Variants in INPP5A observed in about 807,000 individuals in gnomAD.
INPP5A encodes 43 kDa inositol polyphosphate 5-phophatase.
INPP5A carries 14 observed loss-of-function variants against 65.2 expected under a neutral mutation model. The observed-to-expected ratio is 0.21, with a 90% confidence interval of 0.14 to 0.34. The LOEUF (loss-of-function observed/expected upper bound fraction) is 0.34, where lower values mean the gene tolerates loss of function less well. INPP5A is among the 10% of genes least tolerant of loss of function. INPP5A has a pLI of 1.00. For synonymous variants in INPP5A, 207 were observed against 208.3 expected (o/e 0.99, Z 0.05); for missense variants, 431 against 545.6 (o/e 0.79, Z 2.09).
At chr10:132,566,050 T>C (rs1215621763) in intron 1 of INPP5A, among the ~76,000 whole-genome samples, 1 of 152,092 alleles carries the variant, frequency 6.6e-6, no homozygotes, top group Non-Finnish European at 1.5e-5. Flanking sequence ...TCTCTGGGTG[T>C]GACTCACACC....
intron 8 of INPP5A, among the ~76,000 whole-genome samples, chr10:132,725,509 C>A (rs1267384825): frequency 6.6e-6 from 1 of 152,214 alleles, no homozygotes; most frequent in Admixed American, 6.5e-5. Context: ...CTTGGGGATT[C>A]TTCTACTTCT....
rs2071018335 is a variant in INPP5A, at chr10:132,549,078, C to T, written c.75+10907C>T. Among the ~76,000 whole-genome samples the T allele has an allele frequency of 6.6e-6, 1 of 152,198 alleles. No homozygotes were observed. Among genetic ancestry groups the T allele is most frequent in the South Asian group, 2.1e-4 (1 of 4,830 alleles). ...AAGGTGCTGGGATGACAGGTGTGAGCCACTGCGCCTGGGCTTGTCTTCCCT... is the reference window on the plus strand; with the variant it reads ...AAGGTGCTGGGATGACAGGTGTGAGTCACTGCGCCTGGGCTTGTCTTCCCT... On this transcript the variant is annotated intron_variant, in intron 1 of 15. Coordinates refer to ENST00000368594, the MANE Select transcript of INPP5A (RefSeq NM_005539.5). This position sits in a 1 kb window ranked among gnomAD's most constrained non-coding sequence, Gnocchi z 4.9.
rs1375383690 is a variant in INPP5A at position 132,775,161 on chromosome 10, G to C, written c.978-2510G>C. Among the ~76,000 whole-genome samples, 34 of 28,570 alleles carry C rather than the reference G, an allele frequency of 1.2e-3. 1 individual carries two copies. Among genetic ancestry groups the C allele is most frequent in the African/African-American group, 1.4e-3 (8 of 5,866 alleles). The allele number at this position is 28,570 out of a possible 152,430, so 18.7% of individuals were successfully genotyped here. A position where few individuals can be genotyped will look rare whatever the true frequency, so the allele number is the denominator to read the frequency against. On this transcript the variant is annotated intron_variant, in intron 12 of 15. Coordinates refer to ENST00000368594, the MANE Select transcript of INPP5A (RefSeq NM_005539.5). ...AGGAGAGAGGGGCAGGGAGGAGAGA[G>C]GGGCAGAGAGGAGGGGCAGGGAGAG...
At chr10:132,730,941 C>T (rs1846073564) in intron 9 of INPP5A, among the ~76,000 whole-genome samples, 1 of 152,208 alleles carries the variant, frequency 6.6e-6, no homozygotes, top group South Asian at 2.1e-4. Flanking sequence ...TTCCATGGGA[C>T]AGTACAGACC....
intron 4 of INPP5A, among the ~76,000 whole-genome samples, chr10:132,684,546 G>A (rs2073091546): frequency 6.6e-6 from 1 of 152,210 alleles, no homozygotes; most frequent in African/African-American, 2.4e-5. Context: ...GGGGTTGTAA[G>A]TTCACAGGAT....
At chr10:132,720,659 C>A (rs566763656) in intron 8 of INPP5A, among the ~76,000 whole-genome samples, 63 of 134,392 alleles carry the variant, frequency 4.7e-4, no homozygotes, top group African/African-American at 1.7e-3. Flanking sequence ...CGGCTGTCTT[C>A]AGGGTTCTGT....
rs193240359 is a variant in INPP5A at position 132,685,719 on chromosome 10, C to T, written c.307-4673C>T. On this transcript the variant is annotated intron_variant, in intron 4 of 15. Transcript: ENST00000368594. ...CGGTGGCTCCGTCCGGGAGGTGGGA[C>T]CCTGCTCAACAAACACGGGCTTTGT... Among the ~76,000 whole-genome samples, 10 of 152,326 alleles carry T rather than the reference C, an allele frequency of 6.6e-5. No individual in the cohort carries two copies. The South Asian group carries it at 1.2e-3, about 19-fold the overall frequency.
chr10:132,539,315 A>G (rs568664808), intron 1 of INPP5A, among the ~76,000 whole-genome samples: 114 of 152,254 alleles, frequency 7.5e-4, no homozygotes, highest in African/African-American at 2.7e-3. Flanking sequence ...GTATCTCTTT[A>G]GTTCGTAAAT....
intron 4 of INPP5A, among the ~76,000 whole-genome samples, chr10:132,653,931 A>G (rs939767271): frequency 5.9e-5 from 9 of 152,206 alleles, no homozygotes; most frequent in African/African-American, 2.2e-4. Flanking sequence ...TTGGTGCCTC[A>G]AAGTGCCCGA....
intron 2 of INPP5A, among the ~76,000 whole-genome samples, chr10:132,636,917 A>G (rs1239582008): frequency 6.6e-6 from 1 of 151,840 alleles, no homozygotes; most frequent in African/African-American, 2.4e-5. Context: ...TTTTATTTTT[A>G]TTTTTATTTT....
At chr10:132,604,181 C>T (rs1156741511) in intron 1 of INPP5A, among the ~76,000 whole-genome samples, 3 of 149,732 alleles carry the variant, frequency 2.0e-5, no homozygotes, top group Non-Finnish European at 4.4e-5. Flanking sequence ...CCGTCAGGGT[C>T]CCCTCTCTGG....
intron 1 of INPP5A, among the ~76,000 whole-genome samples, chr10:132,576,424 C>T (rs1006079613): frequency 1.3e-5 from 2 of 152,184 alleles, no homozygotes; most frequent in African/African-American, 4.8e-5. Context: ...AGTGGGTTCT[C>T]CACACAGTCC....
At chr10:132,590,545 C>T (rs1013177385) in intron 1 of INPP5A, among the ~76,000 whole-genome samples, 2 of 152,112 alleles carry the variant, frequency 1.3e-5, no homozygotes, top group South Asian at 2.1e-4. Context: ...GTGGGGCCTG[C>T]GTTCGAGGAT....
intron 11 of INPP5A, among the ~76,000 whole-genome samples, chr10:132,750,804 G>A (rs540943850): frequency 7.2e-5 from 11 of 152,204 alleles, no homozygotes; most frequent in Non-Finnish European, 1.3e-4. Context: ...TTCCCTTGGC[G>A]CTGCGTCAGG....
In INPP5A at chr10:132,555,377, C is replaced by T. The variant is rs1017536910; in HGVS notation, c.75+17206C>T. Among the ~76,000 whole-genome samples, 13 of 152,074 alleles carry T rather than the reference C, an allele frequency of 8.5e-5. No homozygotes were observed. The highest frequency in any genetic ancestry group is 2.6e-4 in the Admixed American group (4 of 15,276). On this transcript the variant is annotated intron_variant, in intron 1 of 15. Transcript: ENST00000368594. The surrounding 1 kb of genome is among the most constrained non-coding windows in gnomAD (Gnocchi z 4.4). The stretch of plus-strand genomic sequence containing the variant: ...TACAGGCGCTGGCCCAGTGGAGCTG[C>T]TGGGGCCTATCTGTTTTTTTGAACT...
intron 6 of INPP5A, among the ~76,000 whole-genome samples, chr10:132,700,210 A>C (rs180903850): frequency 1.3e-3 from 192 of 152,356 alleles, no homozygotes; most frequent in Non-Finnish European, 1.0e-3. Flanking sequence ...GATTCCTGGG[A>C]GGAAAAGGCA....
At chr10:132,755,167 G>A (rs552149323) in intron 11 of INPP5A, among the ~76,000 whole-genome samples, 11 of 152,122 alleles carry the variant, frequency 7.2e-5, no homozygotes, top group South Asian at 6.2e-4. Context: ...GCATATGAGC[G>A]TGTGTGAGCA....
At position 132,698,330 on chromosome 10, in the gene INPP5A, C is replaced by T. The variant is rs564860531; in HGVS notation, c.474+411C>T. On this transcript the variant is annotated intron_variant, in intron 6 of 15. Transcript: ENST00000368594. This position sits in a 1 kb window ranked among gnomAD's most constrained non-coding sequence, Gnocchi z 5.5. ...GTGGTGTGAGTGTGGGGCAGGGGCA[C>T]GGTCCTGTGTCAGATACAGCCTTGG... Among the ~76,000 whole-genome samples the T allele has an allele frequency of 3.3e-5, 5 of 152,298 alleles. No homozygotes were observed. Among genetic ancestry groups the T allele is most frequent in the Non-Finnish European group, 5.9e-5 (4 of 68,028 alleles).
rs1182848669 is a variant in INPP5A, at chr10:132,727,748, G to A, written c.732+843G>A. ...TGGGCATGAGCTGACAGCCCACAGCGGGGCCACAGTAAGTTGGATGGGGCC... is the reference window on the plus strand; with the variant it reads ...TGGGCATGAGCTGACAGCCCACAGCAGGGCCACAGTAAGTTGGATGGGGCC... On this transcript the variant is annotated intron_variant, in intron 9 of 15. Coordinates refer to ENST00000368594, the MANE Select transcript of INPP5A (RefSeq NM_005539.5). This position sits in a 1 kb window ranked among gnomAD's most constrained non-coding sequence, Gnocchi z 6.5. Among the ~76,000 whole-genome samples, 2 of 152,076 alleles carry A rather than the reference G, an allele frequency of 1.3e-5. No homozygotes were observed. Among genetic ancestry groups the A allele is most frequent in the East Asian group, 1.9e-4 (1 of 5,192 alleles).
Sources: gnomAD v4.1 joint callset for allele counts (sites outside exome capture counted in the v4.1 genomes callset) on GRCh38, gnomAD v4.1.1 for gene constraint, Gnocchi (gnomAD v3.1) non-coding constraint, MANE v1.5 for transcripts, NCBI Gene and HGNC (gene_info 2026-07-23, HGNC 2026-07-21) for gene names.